FRMPD1: variants seen among roughly 807,000 people sequenced by gnomAD.
FRMPD1 encodes FERM and PDZ domain-containing protein 1.
FRMPD1 carries 76 observed loss-of-function variants against 117.8 expected under a neutral mutation model. The observed-to-expected ratio is 0.65, with a 90% CI of 0.54 to 0.78. FRMPD1 has a LOEUF of 0.78. FRMPD1 is among the 30% of genes least tolerant of loss of function. The pLI is 0.00. For missense variants in FRMPD1, 1,786 were observed against 1,964.5 expected (o/e 0.91, Z 1.72); for synonymous variants, 783 against 770.4 (o/e 1.02, Z -0.27).
chr9:37,696,706 G>C (rs1485065908), intron 2 of FRMPD1, among the ~76,000 whole-genome samples: 1 of 152,230 alleles, frequency 6.6e-6, no homozygotes, highest in African/African-American at 2.4e-5. Context: ...AATCAAGGAA[G>C]TGTATTGAAA....
At chr9:37,639,373 A>G in the FRMPD1 span, among the ~76,000 whole-genome samples, 3 of 152,208 alleles carry the variant, frequency 2.0e-5, no homozygotes, top group Admixed American at 6.5e-5. Context: ...GGGTGTCGCC[A>G]TGTTTCCCTT....
chr9:37,705,548 C>T (rs1380487253), intron 2 of FRMPD1, among the ~76,000 whole-genome samples: 1 of 152,182 alleles, frequency 6.6e-6, no homozygotes, highest in Non-Finnish European at 1.5e-5. Flanking sequence ...TAGCTAGCCT[C>T]AGCTTCCCTA....
At chr9:37,720,527 T>C (rs1021232268) in intron 6 of FRMPD1, among the ~76,000 whole-genome samples, 29 of 152,192 alleles carry the variant, frequency 1.9e-4, no homozygotes, top group African/African-American at 6.5e-4. Context: ...TAGCCGGGCG[T>C]GGTGGTGGGC....
chr9:37,718,685 A>G (rs1823258090), intron 5 of FRMPD1, among the ~76,000 whole-genome samples: 2 of 152,208 alleles, frequency 1.3e-5, no homozygotes, highest in Admixed American at 1.3e-4. Flanking sequence ...TCACACAGTT[A>G]TTTTGTTGTG....
the FRMPD1 span, among the ~76,000 whole-genome samples, chr9:37,604,427 C>G: frequency 6.6e-6 from 1 of 152,072 alleles, no homozygotes; most frequent in Non-Finnish European, 1.5e-5. Context: ...TCTTTTTGTT[C>G]ACTGTATCAG....
chr9:37,606,542 G>A, the FRMPD1 span, among the ~76,000 whole-genome samples: 1 of 152,202 alleles, frequency 6.6e-6, no homozygotes, highest in African/African-American at 2.4e-5. Flanking sequence ...AGAGGTTGGT[G>A]TATAAAGCAC....
rs751217306 is a variant in FRMPD1 at position 37,746,760 on chromosome 9, G to A, written c.4728G>A (p.Thr1576=). The part of the protein sequence containing the change: ...FCLTQKFRAS[T]AL ...TGACCCAGAAGTTCCGGGCATCCAC[G>A]GCCCTGTAAACAGGTCAACGGCCCA... Residue 1576 remains threonine, a synonymous_variant, in exon 16 of 16, where the codon ACG becomes ACA. Transcript: ENST00000377765. 1.1e-5 allele frequency: 17 copies of A among 1,613,444 alleles called. No individual in the cohort carries two copies. Among genetic ancestry groups the A allele is most frequent in the African/African-American group, 2.7e-5 (2 of 74,946 alleles).
the FRMPD1 span, among the ~76,000 whole-genome samples, chr9:37,618,139 T>C: frequency 6.6e-6 from 1 of 152,208 alleles, no homozygotes; most frequent in Non-Finnish European, 1.5e-5. Context: ...GCCACATAAC[T>C]GCCAGATAAT....
intron 5 of FRMPD1, among the ~76,000 whole-genome samples, chr9:37,715,329 A>C (rs1823074121): frequency 6.6e-6 from 1 of 152,206 alleles, no homozygotes; most frequent in Non-Finnish European, 1.5e-5. Flanking sequence ...TCACATGCAG[A>C]AATCAGTGAA....
rs59181761 is a variant in FRMPD1 at position 37,676,099 on chromosome 9, C to T, written c.-4-16539C>T. 3.6e-3 allele frequency among the ~76,000 whole-genome samples: 554 copies of T among 152,348 alleles called. 1 individual carries two copies. The highest frequency in any genetic ancestry group is 0.013 in the African/African-American group (522 of 41,582). On this transcript the variant is annotated intron_variant, in intron 1 of 15. Coordinates refer to ENST00000377765, the MANE Select transcript of FRMPD1 (RefSeq NM_014907.3). ...TTTGTGTTCTCGCCTGTCTGCGCTC[C>T]GCATCACTTTTACAGTTGTACCCAG...
the FRMPD1 span, among the ~76,000 whole-genome samples, chr9:37,619,078 C>T: frequency 6.6e-6 from 1 of 152,170 alleles, no homozygotes; most frequent in East Asian, 1.9e-4. Flanking sequence ...TAAACCCAGC[C>T]CCAAGTGACT....
intron 1 of FRMPD1, among the ~76,000 whole-genome samples, chr9:37,689,943 T>C (rs1822075452): frequency 6.6e-6 from 1 of 152,180 alleles, no homozygotes; most frequent in South Asian, 2.1e-4. Context: ...GAAGATATTT[T>C]CTGTTTCTAG....
the FRMPD1 span, among the ~76,000 whole-genome samples, chr9:37,625,347 G>C: frequency 1.3e-5 from 2 of 152,314 alleles, no homozygotes; most frequent in African/African-American, 2.4e-5. Flanking sequence ...CTCTAATACT[G>C]ATGATTTTGC....
intron 1 of FRMPD1, among the ~76,000 whole-genome samples, chr9:37,688,531 A>C (rs572965004): frequency 6.6e-6 from 1 of 152,196 alleles, no homozygotes; most frequent in East Asian, 1.9e-4. Flanking sequence ...TATGTCCAAT[A>C]ATTTCACTTC....
At chr9:37,613,566 C>A in the FRMPD1 span, among the ~76,000 whole-genome samples, 340 of 152,212 alleles carry the variant, frequency 2.2e-3, 2 homozygotes, top group African/African-American at 7.8e-3. Context: ...AGAGACACAG[C>A]GGAAAAATAT....
intron 1 of FRMPD1, among the ~76,000 whole-genome samples, chr9:37,663,742 A>T (rs139373778): frequency 6.6e-6 from 1 of 152,360 alleles, no homozygotes; most frequent in East Asian, 1.9e-4. Flanking sequence ...AAATCCATGG[A>T]TGCTCAAGTC....
chr9:37,663,093 C>G (rs1821048893), intron 1 of FRMPD1, among the ~76,000 whole-genome samples: 1 of 152,040 alleles, frequency 6.6e-6, no homozygotes, highest in Non-Finnish European at 1.5e-5. Flanking sequence ...TATTGATTGC[C>G]CATTAGAAGT....
chr9:37,746,643 T>A lies in FRMPD1; in HGVS notation c.4611T>A (p.Ala1537=). The A allele has an allele frequency of 6.2e-7, 1 of 1,614,034 alleles. No homozygotes were observed. The highest frequency in any genetic ancestry group is 8.5e-7 in the Non-Finnish European group (1 of 1,179,882). Reference sequence around the variant, plus strand: ...ACACCTACCATCAGTTTATAGAGGCTGCTAAATCGACCTGCGAGAGAGGCT... The same window carrying A: ...ACACCTACCATCAGTTTATAGAGGCAGCTAAATCGACCTGCGAGAGAGGCT... The part of the protein sequence containing the change: ...VVYTYHQFIE[A]AKSTCERGYH... Residue 1537 remains alanine, a synonymous_variant, in exon 16 of 16, where the codon GCT becomes GCA. Coordinates refer to ENST00000377765, the MANE Select transcript of FRMPD1 (RefSeq NM_014907.3).
In FRMPD1 at chr9:37,746,730, C is replaced by T. The variant is rs767831597; in HGVS notation, c.4698C>T (p.Phe1566=). Reference sequence around the variant, plus strand: ...GCACGGCCCTCACGGCCGCCGTGTTCTGTTTGACCCAGAAGTTCCGGGCAT... The same window carrying T: ...GCACGGCCCTCACGGCCGCCGTGTTTTGTTTGACCCAGAAGTTCCGGGCAT... The part of the protein sequence containing the change: ...RQCTALTAAV[F]CLTQKFRAST... Residue 1566 remains phenylalanine, a synonymous_variant, in exon 16 of 16, where the codon TTC becomes TTT. Coordinates refer to ENST00000377765, the MANE Select transcript of FRMPD1 (RefSeq NM_014907.3). The T allele has an allele frequency of 6.2e-7, 1 of 1,614,092 alleles. No homozygotes were observed. The highest frequency in any genetic ancestry group is 8.5e-7 in the Non-Finnish European group (1 of 1,180,030).
Sources: gnomAD v4.1 joint callset for allele counts (sites outside exome capture counted in the v4.1 genomes callset) on GRCh38, gnomAD v4.1.1 for gene constraint, MANE v1.5 for transcripts, NCBI Gene and HGNC (gene_info 2026-07-23, HGNC 2026-07-21) for gene names.